Variants in PARP1 observed in about 807,000 individuals in gnomAD.
PARP1 encodes poly [ADP-ribose] polymerase 1.
A neutral mutation model predicts 118.7 loss-of-function variants in PARP1; 44 were observed. That is an observed-to-expected ratio of 0.37 (90% CI 0.29 to 0.48). The LOEUF (loss-of-function observed/expected upper bound fraction) is 0.48, where lower values mean the gene tolerates loss of function less well. PARP1 is among the 20% of genes least tolerant of loss of function. The pLI is 0.99. For missense variants in PARP1, 1,100 were observed against 1,272.4 expected (o/e 0.86, Z 2.06); for synonymous variants, 492 against 483.2 (o/e 1.02, Z -0.24).
At chr1:226,397,875 G>A (rs577550324) in intron 2 of PARP1, among the ~76,000 whole-genome samples, 2 of 151,046 alleles carry the variant, frequency 1.3e-5, no homozygotes, top group Non-Finnish European at 2.9e-5. Context: ...ACAGTCCACT[G>A]ATCTTTGACA....
At chr1:226,405,646 G>A (rs1351260508) in intron 1 of PARP1, among the ~76,000 whole-genome samples, 2 of 151,970 alleles carry the variant, frequency 1.3e-5, no homozygotes, top group African/African-American at 2.4e-5. Context: ...TCCTCCATCC[G>A]GCCTCCCCCA....
intron 14 of PARP1, among the ~76,000 whole-genome samples, chr1:226,373,941 T>C (rs1343769092): frequency 6.6e-6 from 1 of 152,096 alleles, no homozygotes; most frequent in Non-Finnish European, 1.5e-5. Context: ...AACAACATGG[T>C]GAGACTCTGT....
At chr1:226,376,956 T>TG in intron 13 of PARP1, 152 bp downstream of exon 13, 1 of 761,638 alleles carries the variant, frequency 1.3e-6, no homozygotes, top group Non-Finnish European at 2.3e-6. Flanking sequence ...CTTCTATTTT[T>TG]GGGGGAGAAT....
At chr1:226,362,257 C>G (rs1419880085) in intron 21 of PARP1, 174 bp from the exon 22 acceptor site, 1 of 585,128 alleles carries the variant, frequency 1.7e-6, no homozygotes, top group East Asian at 3.0e-5. Flanking sequence ...GTGACTTCAG[C>G]TCAGTGCAAC....
chr1:226,380,600 G>C (rs964905592), intron 9 of PARP1, among the ~76,000 whole-genome samples: 5 of 152,154 alleles, frequency 3.3e-5, no homozygotes, highest in Non-Finnish European at 7.3e-5. Context: ...ACATCTTACA[G>C]AGCAGTGCGA....
intron 13 of PARP1, among the ~76,000 whole-genome samples, chr1:226,375,257 G>A (rs1008320244): frequency 6.6e-6 from 1 of 152,206 alleles, no homozygotes; most frequent in African/African-American, 2.4e-5. Context: ...TCTTCTGGGT[G>A]TAACTTCATT....
chr1:226,398,587 C>T (rs2102745246), intron 2 of PARP1, among the ~76,000 whole-genome samples: 1 of 148,210 alleles, frequency 6.7e-6, no homozygotes, highest in Middle Eastern at 3.6e-3. Flanking sequence ...CAAAGATATA[C>T]AGATGGTAAA....
At chr1:226,375,060 G>C (rs3219102) in intron 13 of PARP1, among the ~76,000 whole-genome samples, 3,054 of 152,344 alleles carry the variant, frequency 0.02, 115 homozygotes, top group African/African-American at 0.07. Flanking sequence ...GTCCAGCACA[G>C]TGTCCCTAGC....
chr1:226,406,111 A>C (rs1665141287), intron 1 of PARP1, among the ~76,000 whole-genome samples: 1 of 152,226 alleles, frequency 6.6e-6, no homozygotes, highest in African/African-American at 2.4e-5. Context: ...AATGAGAGTA[A>C]ATTATATTTT....
At chr1:226,370,334 TCTTAAC>T in intron 15 of PARP1, 94 bp downstream of exon 15, 4 of 883,664 alleles carry the variant, frequency 4.5e-6, no homozygotes, top group Non-Finnish European at 5.8e-6. Context: ...ACTTCCAGTT[TCTTAAC>T]CTTGAGTAAA....
intron 2 of PARP1, among the ~76,000 whole-genome samples, chr1:226,394,070 T>C (rs1046006176): frequency 6.6e-6 from 1 of 152,192 alleles, no homozygotes; most frequent in African/African-American, 2.4e-5. Context: ...AGGCCAGGCA[T>C]GGTAATCCCA....
Position 226,377,288 on chromosome 1 carries a change from C to T in PARP1, c.1761G>A (p.Arg587=), listed in dbSNP as rs751922078. The change falls in exon 13 of 23, where the codon AGG becomes AGA. Residue 587 remains arginine, a synonymous_variant. Transcript: ENST00000366794. ...DDKENRYWIF[R]SWGRVGTVIG... ...TCACCGTACCCACACGGCCCCAGGACCTGAATATCCAATACCTGCAGTGGG... is the reference window on the plus strand; with the variant it reads ...TCACCGTACCCACACGGCCCCAGGATCTGAATATCCAATACCTGCAGTGGG... 2.3e-5 allele frequency: 37 copies of T among 1,613,896 alleles called. No individual in the cohort carries two copies. Among genetic ancestry groups the T allele is most frequent in the Non-Finnish European group, 3.1e-5 (37 of 1,179,804 alleles).
intron 1 of PARP1, among the ~76,000 whole-genome samples, chr1:226,407,374 C>CA (rs1276451078): frequency 0.26 from 32,688 of 123,776 alleles, 4,327 homozygotes; most frequent in East Asian, 0.44. Flanking sequence ...ATAGGTTTAA[C>CA]AAAAAAAAAA....
Position 226,390,631 on chromosome 1 carries a change from G to A in PARP1, c.403-7C>T. The A allele has an allele frequency of 3.7e-6, 6 of 1,613,400 alleles. No homozygotes were observed. Among genetic ancestry groups the A allele is most frequent in the Non-Finnish European group, 5.1e-6 (6 of 1,179,410 alleles). On this transcript the variant is annotated splice_region_variant and splice_polypyrimidine_tract_variant and intron_variant, in intron 3 of 22. Transcript: ENST00000366794. ...TGGACAGGCGCACCTGGCCCTGCAGGAAAAACCATATGTGGTACCAAGGGA... is the reference window on the plus strand; with the variant it reads ...TGGACAGGCGCACCTGGCCCTGCAGAAAAAACCATATGTGGTACCAAGGGA...
intron 8 of PARP1, among the ~76,000 whole-genome samples, chr1:226,382,009 C>T (rs1209057569): frequency 1.3e-5 from 2 of 152,188 alleles, no homozygotes; most frequent in African/African-American, 2.4e-5. Flanking sequence ...TGCCAGCCCC[C>T]AACTGGCCCT....
rs747096152 is a variant in PARP1 at position 226,388,704 on chromosome 1, T to C, written c.669A>G (p.Lys223=). 1.9e-6 allele frequency: 3 copies of C among 1,614,034 alleles called. No homozygotes were observed. The highest frequency in any genetic ancestry group is 2.5e-6 in the Non-Finnish European group (3 of 1,180,006). Residue 223 remains lysine (K), a synonymous_variant, in exon 5 of 23, where the codon AAA becomes AAG. Transcript: ENST00000366794. ...VDGVDEVAKK[K]SKKEKDKDSK... is the part of the protein sequence containing the mutation. ...TATCCTTGTCTTTTTCTTTTTTAGA[T>C]TTCTTCTTCGCCACTTCATCCACTC... is the stretch of plus-strand genomic sequence containing the variant.
In PARP1 at chr1:226,361,208, A is replaced by T. The variant is rs1576388679; in HGVS notation, c.*252T>A. The T allele has an allele frequency of 1.8e-6, 1 of 561,182 alleles. No homozygotes were observed. The allele number at this position is 561,182 out of a possible 1,614,324, so 34.8% of individuals were successfully genotyped here. A position where few individuals can be genotyped will look rare whatever the true frequency, so the allele number is the denominator to read the frequency against. ...AGAATCTCTCTCCAGCCTTTTCTCT[A>T]TGTCAGTTTTATCTACCTGGCAAGA... On this transcript the variant is annotated 3_prime_UTR_variant, in exon 23 of 23. Coordinates refer to ENST00000366794, the MANE Select transcript of PARP1 (RefSeq NM_001618.4).
chr1:226,368,125 T>C, intron 16 of PARP1, 74 bp downstream of exon 16: 2 of 1,595,144 alleles, frequency 1.3e-6, no homozygotes, highest in Non-Finnish European at 1.7e-6. Context: ...GGGATCATGA[T>C]GGGGAGGGAC....
intron 4 of PARP1, among the ~76,000 whole-genome samples, chr1:226,389,629 C>A (rs1208593543): frequency 6.6e-6 from 1 of 152,284 alleles, no homozygotes; most frequent in Non-Finnish European, 1.5e-5. Context: ...GCTGCAATGC[C>A]CTGTGGCCTT....
Sources: gnomAD v4.1 joint callset for allele counts (sites outside exome capture counted in the v4.1 genomes callset) on GRCh38, gnomAD v4.1.1 for gene constraint, MANE v1.5 for transcripts, NCBI Gene and HGNC (gene_info 2026-07-23, HGNC 2026-07-21) for gene names.